ARHGAP15: variants seen among roughly 807,000 people sequenced by gnomAD.
ARHGAP15 encodes Rho GTPase activating protein 15, also known as rho GTPase-activating protein 15.
ARHGAP15 carries 51 observed loss-of-function variants against 63.7 expected under a neutral mutation model. The observed-to-expected ratio is 0.80, with a 90% CI of 0.64 to 1.01. The LOEUF is 1.01. ARHGAP15 is among the 50% of genes least tolerant of loss of function. The pLI is 0.00. For missense variants in ARHGAP15, 560 were observed against 564.6 expected, an observed-to-expected ratio of 0.99 and a Z score of 0.08; for synonymous variants, 191 against 193.8, an observed-to-expected ratio of 0.99 and a Z score of 0.12.
chr2:143,541,104 CT>C (rs1179046193), intron 10 of ARHGAP15, among the ~76,000 whole-genome samples: 2 of 152,126 alleles, frequency 1.3e-5, no homozygotes, highest in Non-Finnish European at 2.9e-5. Flanking sequence ...CTAAACTTGT[CT>C]TCATGCTTCA....
chr2:143,723,096 C>T (rs574088094), intron 13 of ARHGAP15, among the ~76,000 whole-genome samples: 1 of 152,286 alleles, frequency 6.6e-6, no homozygotes, highest in Non-Finnish European at 1.5e-5. Flanking sequence ...TGTGTTAAAA[C>T]TGCCTGCAGT....
At chr2:143,515,279 C>T (rs1173214442) in intron 9 of ARHGAP15, among the ~76,000 whole-genome samples, 2 of 141,438 alleles carry the variant, frequency 1.4e-5, no homozygotes, top group East Asian at 4.5e-4. Flanking sequence ...TAAAAAACCA[C>T]AATCACTTCC....
At chr2:143,570,099 A>G (rs1291602401) in intron 11 of ARHGAP15, among the ~76,000 whole-genome samples, 3 of 152,196 alleles carry the variant, frequency 2.0e-5, no homozygotes, top group African/African-American at 7.2e-5. Context: ...ACCTGTTACA[A>G]TGGAAATTGC....
chr2:143,248,182 G>A (rs1292359969), intron 5 of ARHGAP15, among the ~76,000 whole-genome samples: 1 of 152,176 alleles, frequency 6.6e-6, no homozygotes, highest in Non-Finnish European at 1.5e-5. Context: ...GTAACCAGGA[G>A]TACTGGAGTA....
chr2:143,348,454 T>A (rs1266586055), intron 6 of ARHGAP15, among the ~76,000 whole-genome samples: 9 of 152,100 alleles, frequency 5.9e-5, no homozygotes, highest in Non-Finnish European at 1.3e-4. Flanking sequence ...ACTTGCCTAT[T>A]TTCAGGATTA....
intron 11 of ARHGAP15, among the ~76,000 whole-genome samples, chr2:143,597,439 A>C (rs890890513): frequency 2.6e-5 from 4 of 152,098 alleles, no homozygotes; most frequent in Non-Finnish European, 2.9e-5. Context: ...CCTTTCTAGG[A>C]GAAAGCAAGA....
chr2:143,711,580 G>A (rs991275805), intron 13 of ARHGAP15, among the ~76,000 whole-genome samples: 2 of 152,162 alleles, frequency 1.3e-5, no homozygotes, highest in African/African-American at 2.4e-5. Context: ...AGCCTCTAAC[G>A]TTGTAAACAA....
At chr2:143,420,419 A>G (rs1198712504) in intron 6 of ARHGAP15, among the ~76,000 whole-genome samples, 2 of 152,214 alleles carry the variant, frequency 1.3e-5, no homozygotes, top group Admixed American at 6.5e-5. Context: ...TATCTGAAGT[A>G]CACCAGCTCT....
intron 13 of ARHGAP15, among the ~76,000 whole-genome samples, chr2:143,761,275 G>A (rs893293665): frequency 4.6e-5 from 7 of 152,190 alleles, no homozygotes; most frequent in Admixed American, 1.3e-4. Context: ...ACATGCAGTG[G>A]CTGAGCTATA....
chr2:143,601,967 A>C (rs1697787747), intron 11 of ARHGAP15, among the ~76,000 whole-genome samples: 1 of 152,192 alleles, frequency 6.6e-6, no homozygotes, highest in South Asian at 2.1e-4. Flanking sequence ...ATTAATCACT[A>C]TTAAATTCAT....
intron 2 of ARHGAP15, among the ~76,000 whole-genome samples, chr2:143,189,393 C>T (rs573474425): frequency 6.7e-6 from 1 of 150,228 alleles, no homozygotes; most frequent in African/African-American, 2.4e-5. Context: ...TTCTCTTGTA[C>T]TTCATGTTAA....
intron 13 of ARHGAP15, among the ~76,000 whole-genome samples, chr2:143,734,793 C>T (rs1685682065): frequency 6.6e-6 from 1 of 152,160 alleles, no homozygotes; most frequent in African/African-American, 2.4e-5. Context: ...TCTGTTTCTA[C>T]ATGGATATGT....
At chr2:143,253,518 C>T (rs567128988) in intron 6 of ARHGAP15, among the ~76,000 whole-genome samples, 31 of 152,114 alleles carry the variant, frequency 2.0e-4, no homozygotes, top group African/African-American at 7.0e-4. Context: ...GGAAACATAA[C>T]AATGACAACA....
At chr2:143,643,661 G>A (rs748651365) in intron 12 of ARHGAP15, among the ~76,000 whole-genome samples, 17 of 151,750 alleles carry the variant, frequency 1.1e-4, no homozygotes, top group Non-Finnish European at 2.1e-4. Flanking sequence ...TACATCTAAG[G>A]TGTTCACCAA....
In ARHGAP15 at chr2:143,181,421, A is replaced by T. The variant is rs1273812541; in HGVS notation, c.166-20713A>T. Reference sequence around the variant, plus strand: ...TCTTGAGCTATGGAAATCCTAGATGACATATTTCATATAAAGGTATTTCAT... The same window carrying T: ...TCTTGAGCTATGGAAATCCTAGATGTCATATTTCATATAAAGGTATTTCAT... On this transcript the variant is annotated intron_variant, in intron 2 of 13. Transcript: ENST00000295095. Among the ~76,000 whole-genome samples, 3 of 152,356 alleles carry T rather than the reference A, an allele frequency of 2.0e-5. No individual in the cohort carries two copies. In the East Asian group the frequency reaches 5.8e-4, roughly 29 times the overall value.
chr2:143,157,043 C>T (rs958894362), intron 2 of ARHGAP15, among the ~76,000 whole-genome samples: 7 of 152,022 alleles, frequency 4.6e-5, no homozygotes, highest in Admixed American at 1.3e-4. Flanking sequence ...CACTATGCCG[C>T]AGTTGTTTTT....
intron 4 of ARHGAP15, among the ~76,000 whole-genome samples, chr2:143,218,294 T>G (rs1692843923): frequency 6.8e-6 from 1 of 147,910 alleles, no homozygotes; most frequent in African/African-American, 2.5e-5. Flanking sequence ...TTTTTTTTTT[T>G]TTTTTGTTGC....
chr2:143,191,292 G>A (rs1453726659), intron 2 of ARHGAP15, among the ~76,000 whole-genome samples: 2 of 152,172 alleles, frequency 1.3e-5, no homozygotes, highest in African/African-American at 2.4e-5. Flanking sequence ...AAGCTCCTAA[G>A]AGAAATTATG....
intron 6 of ARHGAP15, among the ~76,000 whole-genome samples, chr2:143,271,524 T>G (rs571915101): frequency 1.2e-4 from 18 of 152,336 alleles, no homozygotes; most frequent in Non-Finnish European, 1.5e-4. Flanking sequence ...CGCCCAGGCT[T>G]GAGTGCAGTG....
Sources: allele counts gnomAD v4.1 joint callset (sites outside exome capture counted in the v4.1 genomes callset), GRCh38; gene constraint gnomAD v4.1.1; transcripts MANE v1.5; gene names NCBI Gene and HGNC (gene_info 2026-07-23, HGNC 2026-07-21).